PDLIM5: variants seen among roughly 807,000 people sequenced by gnomAD.
PDLIM5 encodes the protein PDZ and LIM domain 5, also known as PDZ and LIM domain protein 5.
PDLIM5 carries 34 observed loss-of-function variants against 64.2 expected under a neutral mutation model. The ratio of observed to expected loss-of-function variants is 0.53; its 90% CI spans 0.40 to 0.71. The LOEUF (loss-of-function observed/expected upper bound fraction) is 0.71. PDLIM5 is among the 30% of genes least tolerant of loss of function. The pLI, the probability that PDLIM5 is intolerant of heterozygous loss-of-function variation, is 0.00. For missense variants in PDLIM5, 683 were observed against 733.6 expected, an observed-to-expected ratio of 0.93 and a Z score of 0.80; for synonymous variants, 253 against 269.1, an observed-to-expected ratio of 0.94 and a Z score of 0.59.
At chr4:94,468,220 A>G (rs959228629) in intron 2 of PDLIM5, among the ~76,000 whole-genome samples, 13 of 151,912 alleles carry the variant, frequency 8.6e-5, no homozygotes, top group Admixed American at 8.5e-4. Flanking sequence ...TGGCACAATC[A>G]GAGCTCCATG....
Position 94,663,984 on chromosome 4 carries a change from T to G in PDLIM5, c.1708T>G (p.Cys570Gly). The change falls in exon 13 of 13, where the codon TGT becomes GGT. Residue 570 changes from cysteine to glycine, a missense_variant. Physicochemically the swap from Cys to Gly is radical, Grantham distance 159. Coordinates refer to ENST00000317968, the MANE Select transcript of PDLIM5 (RefSeq NM_006457.5). ...HDTCFVCSVC[C>G]ESLEGQTFFS... ...AATGCTGCTTCTTTTTCAGGTGTGT[T>G]GTGAAAGTTTGGAAGGTCAGACCTT... 6.3e-7 allele frequency: 1 copy of G among 1,598,416 alleles called. No individual in the cohort carries two copies. The highest frequency in any genetic ancestry group is 8.6e-7 in the Non-Finnish European group (1 of 1,167,260).
intron 3 of PDLIM5, among the ~76,000 whole-genome samples, chr4:94,524,206 A>C (rs931761759): frequency 2.0e-5 from 3 of 151,766 alleles, no homozygotes; most frequent in Admixed American, 6.6e-5. Flanking sequence ...TCGTCTCTAC[A>C]AAACATAAAA....
intron 2 of PDLIM5, among the ~76,000 whole-genome samples, chr4:94,484,013 T>G (rs1726096976): frequency 6.6e-6 from 1 of 152,204 alleles, no homozygotes; most frequent in Non-Finnish European, 1.5e-5. Context: ...AGAGAGACAC[T>G]TGAGACCTTA....
intron 2 of PDLIM5, among the ~76,000 whole-genome samples, chr4:94,476,891 A>G (rs115180246): frequency 9.6e-4 from 146 of 152,324 alleles, no homozygotes; most frequent in African/African-American, 3.3e-3. Flanking sequence ...GTATGCCTGT[A>G]TTATAGAGTT....
At chr4:94,552,503 TA>T (rs1248899166) in intron 3 of PDLIM5, among the ~76,000 whole-genome samples, 1 of 152,158 alleles carries the variant, frequency 6.6e-6, no homozygotes, top group Non-Finnish European at 1.5e-5. Context: ...TCCAACTCTA[TA>T]AATATTGTCT....
chr4:94,661,203 G>A (rs1283270833), intron 11 of PDLIM5, among the ~76,000 whole-genome samples: 25 of 152,114 alleles, frequency 1.6e-4, no homozygotes, highest in Admixed American at 1.6e-3. Flanking sequence ...AGCATGGGCA[G>A]CCTACGAAGA....
At chr4:94,620,481 G>A (rs543600005) in intron 8 of PDLIM5, among the ~76,000 whole-genome samples, 1 of 152,000 alleles carries the variant, frequency 6.6e-6, no homozygotes, top group East Asian at 1.9e-4. Context: ...AGGCTACAGT[G>A]AGCTGTGATT....
chr4:94,641,860 A>G (rs1488036752), intron 9 of PDLIM5, among the ~76,000 whole-genome samples: 2 of 152,176 alleles, frequency 1.3e-5, no homozygotes, highest in African/African-American at 4.8e-5. Flanking sequence ...GCATTCAGTA[A>G]ATGTTTAACT....
Position 94,623,725 on chromosome 4 carries a change from G to A in PDLIM5, c.1108+5534G>A, listed in dbSNP as rs185861177. 2.9e-4 allele frequency among the ~76,000 whole-genome samples: 44 copies of A among 151,966 alleles called. 1 individual carries two copies. The highest frequency in any genetic ancestry group is 1.9e-4 in the African/African-American group (8 of 41,366). On this transcript the variant is annotated intron_variant, in intron 8 of 12. Coordinates refer to ENST00000317968, the MANE Select transcript of PDLIM5 (RefSeq NM_006457.5). ...AGTTGTCTTATTTAGGACATCATAC[G>A]ATCTGAAGGATGCAGAATTCATCTG...
intron 2 of PDLIM5, among the ~76,000 whole-genome samples, chr4:94,472,911 G>A (rs1337535188): frequency 6.6e-6 from 1 of 152,114 alleles, no homozygotes; most frequent in Non-Finnish European, 1.5e-5. Flanking sequence ...TAAAGATACA[G>A]CAGTGAATAA....
intron 9 of PDLIM5, among the ~76,000 whole-genome samples, chr4:94,652,366 A>G (rs1483151502): frequency 6.6e-6 from 1 of 152,192 alleles, no homozygotes; most frequent in Non-Finnish European, 1.5e-5. Flanking sequence ...AAGCTCTACC[A>G]TGCTCTGTGT....
At chr4:94,602,567 C>G (rs930119706) in intron 7 of PDLIM5, among the ~76,000 whole-genome samples, 1 of 152,146 alleles carries the variant, frequency 6.6e-6, no homozygotes, top group Non-Finnish European at 1.5e-5. Context: ...ATTCTCCTGC[C>G]TCAGCCTCCC....
At chr4:94,611,054 C>G (rs1234533081) in intron 7 of PDLIM5, 17 of 1,529,184 alleles carry the variant, frequency 1.1e-5, no homozygotes, top group Non-Finnish European at 1.5e-5. Context: ...AAAACTCTTT[C>G]TAAATGCTTA....
chr4:94,561,377 A>G (rs1170485900), intron 3 of PDLIM5, among the ~76,000 whole-genome samples: 1 of 152,214 alleles, frequency 6.6e-6, no homozygotes, highest in African/African-American at 2.4e-5. Flanking sequence ...AAAACTCACC[A>G]TCAGTATTCA....
chr4:94,531,334 AT>A (rs36060152), intron 3 of PDLIM5, among the ~76,000 whole-genome samples: 17 of 150,836 alleles, frequency 1.1e-4, no homozygotes, highest in East Asian at 3.9e-4. Flanking sequence ...TGCTTTGTGA[AT>A]TTTTTTTTTC....
chr4:94,620,520 G>A (rs1392859803), intron 8 of PDLIM5, among the ~76,000 whole-genome samples: 1 of 151,828 alleles, frequency 6.6e-6, no homozygotes, highest in African/African-American at 2.4e-5. Flanking sequence ...CTGGGCAACA[G>A]GAGTGAGATA....
intron 3 of PDLIM5, among the ~76,000 whole-genome samples, chr4:94,525,447 A>G (rs918410509): frequency 1.3e-5 from 2 of 151,888 alleles, no homozygotes; most frequent in African/African-American, 4.8e-5. Context: ...TTAAAAAAAA[A>G]GAGGGAAATA....
intron 2 of PDLIM5, among the ~76,000 whole-genome samples, chr4:94,491,297 C>A (rs1372910282): frequency 6.6e-6 from 1 of 152,140 alleles, no homozygotes; most frequent in Non-Finnish European, 1.5e-5. Context: ...TAAATCATTT[C>A]TTTCCAGAGA....
intron 3 of PDLIM5, among the ~76,000 whole-genome samples, chr4:94,572,845 A>T (rs2110276669): frequency 6.6e-6 from 1 of 152,334 alleles, no homozygotes; most frequent in Middle Eastern, 3.4e-3. Flanking sequence ...ATACAGAATA[A>T]ATATTCATTC....
Sources: gnomAD v4.1 joint callset for allele counts (sites outside exome capture counted in the v4.1 genomes callset) on GRCh38, gnomAD v4.1.1 for gene constraint, MANE v1.5 for transcripts, NCBI Gene and HGNC (gene_info 2026-07-23, HGNC 2026-07-21) for gene names.